The following NEBL variants were observed in gnomAD, a reference collection of about 807,000 sequenced individuals.
NEBL encodes the protein nebulette, also known as LIM and SH3 protein 2.
A neutral mutation model predicts 140.2 loss-of-function variants in NEBL; 122 were observed. The observed-to-expected ratio is 0.87, with a 90% CI of 0.75 to 1.01. The LOEUF (loss-of-function observed/expected upper bound fraction) is 1.01. NEBL is among the 50% of genes least tolerant of loss of function. The probability of loss-of-function intolerance (pLI) is 0.00; values close to 1 mark genes in which losing one functional copy is unlikely to be tolerated. For missense variants in NEBL, 1,365 were observed against 1,231.3 expected (o/e 1.11, Z -1.62); for synonymous variants, 436 against 398.9 (o/e 1.09, Z -1.11).
chr10:21,102,202 T>G (rs879644134), intron 2 of NEBL, among the ~76,000 whole-genome samples: 2 of 152,254 alleles, frequency 1.3e-5, no homozygotes, highest in Non-Finnish European at 1.5e-5. Flanking sequence ...GTTAGGATTC[T>G]TACCCAATGC....
chr10:20,788,814 A>G (rs564080889), intron 26 of NEBL, among the ~76,000 whole-genome samples: 2 of 152,330 alleles, frequency 1.3e-5, no homozygotes, highest in East Asian at 3.9e-4. Context: ...AAGAAAAAAG[A>G]ATGAAATTCC....
chr10:21,029,692 C>CA, intron 2 of NEBL: 2 of 1,053,376 alleles, frequency 1.9e-6, no homozygotes, highest in Non-Finnish European at 3.0e-6. Context: ...TGATTCAGAC[C>CA]AGTCTGGCCG....
chr10:21,027,530 T>C (rs1833565160), intron 2 of NEBL, among the ~76,000 whole-genome samples: 1 of 152,062 alleles, frequency 6.6e-6, no homozygotes, highest in Non-Finnish European at 1.5e-5. Flanking sequence ...GGTTTCACCA[T>C]GTTGCCCAGG....
intron 19 of NEBL, among the ~76,000 whole-genome samples, chr10:20,821,845 C>T (rs1236210745): frequency 2.0e-5 from 3 of 152,198 alleles, no homozygotes; most frequent in African/African-American, 7.2e-5. Context: ...ACTCATCACA[C>T]TAAACCCTCT....
intron 17 of NEBL, among the ~76,000 whole-genome samples, chr10:20,827,166 A>C (rs915401463): frequency 6.6e-6 from 1 of 152,244 alleles, no homozygotes; most frequent in African/African-American, 2.4e-5. Flanking sequence ...ACTCTGCAGA[A>C]AAACAGAGTA....
intron 1 of NEBL, among the ~76,000 whole-genome samples, chr10:21,292,025 T>A (rs183136860): frequency 2.6e-5 from 4 of 152,356 alleles, no homozygotes; most frequent in Non-Finnish European, 5.9e-5. Flanking sequence ...CAAAAAAGTA[T>A]AAACACAGTC....
intron 1 of NEBL, among the ~76,000 whole-genome samples, chr10:21,276,592 G>A (rs934982206): frequency 8.5e-5 from 13 of 152,282 alleles, no homozygotes; most frequent in African/African-American, 2.9e-4. Context: ...TTGGGAGGCC[G>A]AGGTGGATGG....
rs1839040269 is a variant in NEBL at position 20,819,293 on chromosome 10, C to T, written c.2055+131G>A. On this transcript the variant is annotated intron_variant, in intron 20 of 27. Transcript: ENST00000377122. ...CCATGTATTCTCATCATTTAGCTCTCATTATTATGCAGTATTTGGTTTTAC... is the reference window on the plus strand; with the variant it reads ...CCATGTATTCTCATCATTTAGCTCTTATTATTATGCAGTATTTGGTTTTAC... 3 of 1,419,090 alleles carry T rather than the reference C, an allele frequency of 2.1e-6. No individual in the cohort carries two copies. In the South Asian group the frequency reaches 3.6e-5, roughly 17 times the overall value. The allele number at this position is 1,419,090 out of a possible 1,614,324, so 87.9% of individuals were successfully genotyped here.
chr10:20,872,084 T>A (rs1177366778), intron 5 of NEBL, among the ~76,000 whole-genome samples: 4 of 152,302 alleles, frequency 2.6e-5, no homozygotes, highest in Non-Finnish European at 5.9e-5. Context: ...AACCCTTACT[T>A]TTTGAAAAGA....
chr10:21,221,749 C>T (rs987556804), intron 3 of NEBL, among the ~76,000 whole-genome samples: 4 of 152,142 alleles, frequency 2.6e-5, no homozygotes, highest in African/African-American at 9.7e-5. Context: ...AAGTGATCCG[C>T]CCGCCTTGAC....
At chr10:21,135,679 C>A (rs1415500059) in intron 2 of NEBL, among the ~76,000 whole-genome samples, 2 of 152,146 alleles carry the variant, frequency 1.3e-5, no homozygotes, top group African/African-American at 2.4e-5. Context: ...ATGGCACAGC[C>A]TTTATGTAGC....
intron 2 of NEBL, among the ~76,000 whole-genome samples, chr10:21,042,318 A>G (rs1171992255): frequency 3.9e-5 from 6 of 152,212 alleles, no homozygotes; most frequent in African/African-American, 1.4e-4. Context: ...AAAATCTAAC[A>G]CAGGCTTGTC....
At chr10:21,232,808 A>C (rs1367705683) in intron 3 of NEBL, among the ~76,000 whole-genome samples, 2 of 152,368 alleles carry the variant, frequency 1.3e-5, no homozygotes, top group Non-Finnish European at 2.9e-5. Context: ...ATTTTCAAAC[A>C]ATCACTTAAG....
intron 12 of NEBL, among the ~76,000 whole-genome samples, chr10:20,844,712 C>A (rs1478140948): frequency 6.6e-6 from 1 of 151,924 alleles, no homozygotes; most frequent in Non-Finnish European, 1.5e-5. Flanking sequence ...TTTTTCCCTA[C>A]TTAGAACACA....
intron 2 of NEBL, among the ~76,000 whole-genome samples, chr10:21,086,363 C>T (rs765667528): frequency 2.0e-5 from 3 of 152,192 alleles, no homozygotes; most frequent in Non-Finnish European, 4.4e-5. Flanking sequence ...CAAGGTGATG[C>T]TATTTCCAGA....
At chr10:20,873,773 CAAAT>C (rs958502458) in intron 5 of NEBL, among the ~76,000 whole-genome samples, 1 of 151,958 alleles carries the variant, frequency 6.6e-6, no homozygotes, top group African/African-American at 2.4e-5. Context: ...TTCCACAAAA[CAAAT>C]AACTGTAATT....
rs139338531 is a variant in NEBL at position 20,785,756 on chromosome 10, A to G, written c.3036T>C (p.Phe1012=). The change falls in exon 28 of 28, where the codon TTT becomes TTC. Residue 1012 remains phenylalanine, a synonymous_variant. Coordinates refer to ENST00000377122, the MANE Select transcript of NEBL (RefSeq NM_006393.3). ...GGGCAGGGAGAAATAATTAATTAAC[A>G]AACTCAATGTAATTCGCTGGGAGCA... is the stretch of plus-strand genomic sequence containing the variant. The part of the protein sequence containing the change: ...TGMLPANYIE[F]VN The G allele has an allele frequency of 3.1e-6, 5 of 1,613,684 alleles. No homozygotes were observed. In the Admixed American group the frequency reaches 5.0e-5, roughly 16 times the overall value.
intron 17 of NEBL, among the ~76,000 whole-genome samples, chr10:20,828,289 A>C (rs1840079949): frequency 6.6e-6 from 1 of 152,190 alleles, no homozygotes; most frequent in African/African-American, 2.4e-5. Flanking sequence ...TTTAAAATTT[A>C]GTTAATAACT....
chr10:20,981,824 G>A (rs535611119), intron 3 of NEBL, among the ~76,000 whole-genome samples: 1 of 152,282 alleles, frequency 6.6e-6, no homozygotes, highest in South Asian at 2.1e-4. Context: ...CATGAATTGA[G>A]AGATAGAAAT....
Sources: gnomAD v4.1 joint callset for allele counts (sites outside exome capture counted in the v4.1 genomes callset) on GRCh38, gnomAD v4.1.1 for gene constraint, MANE v1.5 for transcripts, NCBI Gene and HGNC (gene_info 2026-07-23, HGNC 2026-07-21) for gene names.